Variants in PLEKHO1 observed in about 807,000 individuals in gnomAD.
PLEKHO1 encodes the protein pleckstrin homology domain-containing family O member 1.
In PLEKHO1, 22 loss-of-function variants were observed where a neutral mutation model predicts 41.4. The ratio of observed to expected loss-of-function variants is 0.53; its 90% CI spans 0.38 to 0.76. The LOEUF is 0.76. Among genes scored for constraint, PLEKHO1 ranks in the 30% least tolerant of loss-of-function variants. The pLI, the probability that PLEKHO1 is intolerant of heterozygous loss-of-function variation, is 0.00. For missense variants in PLEKHO1, 488 were observed against 518.3 expected, an observed-to-expected ratio of 0.94 and a Z score of 0.57; for synonymous variants, 225 against 210.8, an observed-to-expected ratio of 1.07 and a Z score of -0.58.
At chr1:150,156,241 T>G in intron 3 of PLEKHO1, 35 bp downstream of exon 3, 1 of 1,599,058 alleles carries the variant, frequency 6.3e-7, no homozygotes, top group South Asian at 1.1e-5. Context: ...TGCTGGAACA[T>G]GGACAGGGTT....
chr1:150,156,370 T>G (rs1660168160), intron 3 of PLEKHO1, among the ~76,000 whole-genome samples, 164 bp downstream of exon 3: 1 of 152,184 alleles, frequency 6.6e-6, no homozygotes, highest in African/African-American at 2.4e-5. Flanking sequence ...TGTAGCCATT[T>G]CCTTCTTTCC....
chr1:150,157,240 C>T (rs1553820620), intron 4 of PLEKHO1, 145 bp from the exon 5 acceptor site: 5 of 751,238 alleles, frequency 6.7e-6, no homozygotes, highest in Non-Finnish European at 1.2e-5. Flanking sequence ...CTTGGGTCAG[C>T]TTAAAGAGCC....
In PLEKHO1 at chr1:150,159,010, T is replaced by A; in HGVS notation, c.717T>A (p.Ser239Arg). The change falls in exon 6 of 6, where the codon AGT becomes AGA. Residue 239 changes from serine (S) to arginine (R), a missense_variant. Ser to Arg is a moderately radical substitution (Grantham distance 110). Coordinates refer to ENST00000369124, the MANE Select transcript of PLEKHO1 (RefSeq NM_016274.6). ...RIQPSADRAS[S>R]LSRPWEKTDK... is the part of the protein sequence containing the mutation. ...AGCCCTCCGCAGACCGGGCAAGCAG[T>A]CTCTCCCGACCTTGGGAAAAAACAG... The A allele has an allele frequency of 6.2e-7, 1 of 1,613,698 alleles. No homozygotes were observed. The highest frequency in any genetic ancestry group is 8.5e-7 in the Non-Finnish European group (1 of 1,179,868).
At position 150,159,426 on chromosome 1, in the gene PLEKHO1, A is replaced by T. The variant is rs1553821596; in HGVS notation, c.1133A>T (p.Glu378Val). ...AAGAGGGTGCTGCAGGAGGTCAGGG[A>T]GCTGAGAGACCTGTACAGACAGATG... ...QAKRVLQEVR[E>V]LRDLYRQMDL... The change falls in exon 6 of 6, where the codon GAG becomes GTG. Residue 378 changes from glutamate (E) to valine (V), a missense_variant. Transcript: ENST00000369124. 1.2e-6 allele frequency: 2 copies of T among 1,613,936 alleles called. No homozygotes were observed. The highest frequency in any genetic ancestry group is 1.3e-5 in the African/African-American group (1 of 74,886).
At chr1:150,157,535 T>C (rs782150471) in intron 5 of PLEKHO1, 49 bp downstream of exon 5, 1 of 1,316,010 alleles carries the variant, frequency 7.6e-7, no homozygotes, top group Non-Finnish European at 1.1e-6. Flanking sequence ...TCTGTGTCAG[T>C]CCATCTCAGA....
At position 150,157,252 on chromosome 1, in the gene PLEKHO1, C is replaced by T. The variant is rs1553820625; in HGVS notation, c.424-133C>T. 5.2e-6 allele frequency: 4 copies of T among 772,674 alleles called. No homozygotes were observed. In the East Asian group the frequency reaches 1.1e-4, roughly 20 times the overall value. 47.9% of individuals were successfully genotyped at this position (772,674 alleles called of 1,614,324 possible). On this transcript the variant is annotated intron_variant, in intron 4 of 5. Transcript: ENST00000369124. ...AGCCTTGGGTCAGCTTAAAGAGCCC[C>T]CTTCGTGTCCAGTAAATCCCCTTGC...
In PLEKHO1 at chr1:150,159,351, T is replaced by C; in HGVS notation, c.1058T>C (p.Leu353Pro). 1 of 1,614,158 alleles carries C rather than the reference T, an allele frequency of 6.2e-7. No homozygotes were observed. Residue 353 changes from leucine to proline, a missense_variant, in exon 6 of 6, where the codon CTG becomes CCG. By Grantham distance (98) the Leu-to-Pro change is moderately conservative (BLOSUM62 -3). Transcript: ENST00000369124. ...GATTCTGAGTCAGAGCAGCTGCTGCTGGAGACGGAACGGCTGCTGGGAGAG... is the reference window on the plus strand; with the variant it reads ...GATTCTGAGTCAGAGCAGCTGCTGCCGGAGACGGAACGGCTGCTGGGAGAG... The part of the protein sequence containing the change: ...PPDSESEQLL[L>P]ETERLLGEAS...
At chr1:150,154,629 TG>T (rs1279328392) in intron 2 of PLEKHO1, 1 of 152,234 alleles carries the variant, frequency 6.6e-6, no homozygotes, top group African/African-American at 2.4e-5. Flanking sequence ...TTCACCTCCA[TG>T]CACACGAGTC....
chr1:150,155,953 C>T lies in PLEKHO1; in HGVS notation c.178-113C>T, dbSNP rs182093454. On this transcript the variant is annotated intron_variant, in intron 2 of 5. Coordinates refer to ENST00000369124, the MANE Select transcript of PLEKHO1 (RefSeq NM_016274.6). ...GGCAGACGGCCCTCTCCTCTCCTGG[C>T]GTGCCTCCCTCTCCTCAGGCTTCCT... 38 of 947,258 alleles carry T rather than the reference C, an allele frequency of 4.0e-5. 1 individual carries two copies. The highest frequency in any genetic ancestry group is 2.8e-4 in the Admixed American group (13 of 46,262). The allele number at this position is 947,258 out of a possible 1,614,324, so 58.7% of individuals were successfully genotyped here. A position where few individuals can be genotyped will look rare whatever the true frequency, so the allele number is the denominator to read the frequency against.
In PLEKHO1 at chr1:150,158,892, C is replaced by G; in HGVS notation, c.599C>G (p.Pro200Arg). 1 of 1,614,116 alleles carries G rather than the reference C, an allele frequency of 6.2e-7. No individual in the cohort carries two copies. Among genetic ancestry groups the G allele is most frequent in the Non-Finnish European group, 8.5e-7 (1 of 1,179,998 alleles). Residue 200 changes from proline to arginine, a missense_variant, in exon 6 of 6, where the codon CCA becomes CGA. Coordinates refer to ENST00000369124, the MANE Select transcript of PLEKHO1 (RefSeq NM_016274.6). Reference sequence around the variant, plus strand: ...GAGGAAGACCCTTCCCCTGAGGAACCAACCTCTTGTGCTGAGAGCTTTCGG... The same window carrying G: ...GAGGAAGACCCTTCCCCTGAGGAACGAACCTCTTGTGCTGAGAGCTTTCGG... ...IQEEDPSPEE[P>R]TSCAESFRVD...
chr1:150,151,190 T>C (rs1659913248), intron 2 of PLEKHO1, 132 bp downstream of exon 2: 1 of 907,958 alleles, frequency 1.1e-6, no homozygotes, highest in Non-Finnish European at 1.7e-6. Flanking sequence ...TCTACCCCCA[T>C]CTCATCTGCA....
At chr1:150,156,474 G>T (rs1031327019) in intron 3 of PLEKHO1, among the ~76,000 whole-genome samples, 1 of 152,114 alleles carries the variant, frequency 6.6e-6, no homozygotes, top group Non-Finnish European at 1.5e-5. Context: ...ATCCACACAT[G>T]TGCATATTTA....
rs1309842566 is a variant in PLEKHO1, at chr1:150,159,878, G to C, written c.*355G>C. 2 of 190,146 alleles carry C rather than the reference G, an allele frequency of 1.1e-5. No homozygotes were observed. Among genetic ancestry groups the C allele is most frequent in the South Asian group, 1.5e-4 (1 of 6,800 alleles). The allele number at this position is 190,146 out of a possible 1,614,324, so 11.8% of individuals were successfully genotyped here. On this transcript the variant is annotated 3_prime_UTR_variant, in exon 6 of 6. Coordinates refer to ENST00000369124, the MANE Select transcript of PLEKHO1 (RefSeq NM_016274.6). ...AGGATACAGTGGGCTTCTAAGCTTA[G>C]AGCGGGAGGGGGATGAGGATGTTTT...
intron 2 of PLEKHO1, among the ~76,000 whole-genome samples, chr1:150,152,230 C>T (rs587709842): frequency 1.8e-4 from 28 of 152,312 alleles, no homozygotes; most frequent in Admixed American, 5.2e-4. Flanking sequence ...AGCTGTGCCA[C>T]AGCCAAAGAG....
At chr1:150,155,978 T>C in intron 2 of PLEKHO1, 88 bp from the exon 3 acceptor site, 3 of 1,299,620 alleles carry the variant, frequency 2.3e-6, no homozygotes, top group Non-Finnish European at 3.2e-6. Context: ...TCAGGCTTCC[T>C]CTGTTTCCCA....
In PLEKHO1 at chr1:150,159,426, A is replaced by G; in HGVS notation, c.1133A>G (p.Glu378Gly). 2 of 1,614,054 alleles carry G rather than the reference A, an allele frequency of 1.2e-6. No homozygotes were observed. The highest frequency in any genetic ancestry group is 2.2e-5 in the East Asian group (1 of 44,866). ...AAGAGGGTGCTGCAGGAGGTCAGGG[A>G]GCTGAGAGACCTGTACAGACAGATG... ...QAKRVLQEVR[E>G]LRDLYRQMDL... Residue 378 changes from glutamate to glycine, a missense_variant, in exon 6 of 6, where the codon GAG becomes GGG. Glu to Gly is a moderately conservative substitution (Grantham distance 98, BLOSUM62 -2). Transcript: ENST00000369124.
In PLEKHO1 at chr1:150,159,480, G is replaced by A. The variant is rs781791871; in HGVS notation, c.1187G>A (p.Arg396Lys). 2.3e-5 allele frequency: 37 copies of A among 1,613,530 alleles called. No individual in the cohort carries two copies. In the South Asian group the frequency reaches 3.3e-4, roughly 14 times the overall value. The stretch of plus-strand genomic sequence containing the variant: ...CTGCAGACCCCGGACTCCCACCTCA[G>A]ACAGACCACCCCGCACAGTCAGTAC... ...MDLQTPDSHL[R>K]QTTPHSQYRK... The change falls in exon 6 of 6, where the codon AGA becomes AAA. Residue 396 changes from arginine (R) to lysine (K), a missense_variant. Arg to Lys is a conservative substitution (Grantham distance 26, BLOSUM62 2). Coordinates refer to ENST00000369124, the MANE Select transcript of PLEKHO1 (RefSeq NM_016274.6).
At chr1:150,156,764 T>A (rs1660187242) in intron 3 of PLEKHO1, 147 bp from the exon 4 acceptor site, 1 of 606,028 alleles carries the variant, frequency 1.7e-6, no homozygotes, top group African/African-American at 1.9e-5. Context: ...TGGGTTTCCT[T>A]AAGTTATGGA....
Position 150,159,554 on chromosome 1 carries a change from T to G in PLEKHO1, c.*31T>G. On this transcript the variant is annotated 3_prime_UTR_variant, in exon 6 of 6. Coordinates refer to ENST00000369124, the MANE Select transcript of PLEKHO1 (RefSeq NM_016274.6). ...GGGTGGGGTCTGGAACTTGTCGGGT[T>G]GGACAGACTCTTATCTCCGTGTTGC... 1 of 1,405,430 alleles carries G rather than the reference T, an allele frequency of 7.1e-7. No individual in the cohort carries two copies. The highest frequency in any genetic ancestry group is 9.7e-7 in the Non-Finnish European group (1 of 1,026,610). The allele number at this position is 1,405,430 out of a possible 1,614,324, so 87.1% of individuals were successfully genotyped here.
Sources: allele counts gnomAD v4.1 joint callset (sites outside exome capture counted in the v4.1 genomes callset), GRCh38; gene constraint gnomAD v4.1.1; transcripts MANE v1.5; gene names NCBI Gene and HGNC (gene_info 2026-07-23, HGNC 2026-07-21).